The following YEATS4 variants were observed in gnomAD, a reference collection of about 807,000 sequenced individuals.
YEATS4 encodes YEATS domain containing 4.
YEATS4 carries 17 observed loss-of-function variants against 30.1 expected under a neutral mutation model. That is an observed-to-expected ratio of 0.56 (90% CI 0.39 to 0.85). The LOEUF (loss-of-function observed/expected upper bound fraction) is 0.85. Among genes scored for constraint, YEATS4 ranks in the 40% least tolerant of loss-of-function variants. The probability of loss-of-function intolerance (pLI) is 0.00; values close to 1 mark genes in which losing one functional copy is unlikely to be tolerated. For missense variants in YEATS4, 142 were observed against 268.3 expected (o/e 0.53, Z 3.29); for synonymous variants, 85 against 87.5 (o/e 0.97, Z 0.16).
the YEATS4 span, among the ~76,000 whole-genome samples, chr12:69,412,207 TCA>T: frequency 5.3e-5 from 8 of 152,178 alleles, no homozygotes; most frequent in African/African-American, 1.9e-4. Context: ...ACCAACTTGC[TCA>T]CAGTCTCTCT....
chr12:69,367,147 T>A (rs1875466670), intron 4 of YEATS4, among the ~76,000 whole-genome samples: 1 of 152,236 alleles, frequency 6.6e-6, no homozygotes, highest in Non-Finnish European at 1.5e-5. Context: ...AACATCCTAT[T>A]CAAGGTTGGG....
chr12:69,380,145 T>G (rs1315492301), intron 6 of YEATS4, among the ~76,000 whole-genome samples: 2 of 152,246 alleles, frequency 1.3e-5, no homozygotes, highest in African/African-American at 4.8e-5. Context: ...ATGGTCTTGA[T>G]ACTTGTTGAT....
At chr12:69,407,083 G>A in the YEATS4 span, among the ~76,000 whole-genome samples, 1 of 151,952 alleles carries the variant, frequency 6.6e-6, no homozygotes, top group African/African-American at 2.4e-5. Context: ...CCAAACTGCT[G>A]GGATTACAGG....
chr12:69,402,475 C>G, the YEATS4 span, among the ~76,000 whole-genome samples: 2 of 152,010 alleles, frequency 1.3e-5, no homozygotes, highest in Non-Finnish European at 2.9e-5. Flanking sequence ...ACCTAAAGTC[C>G]CAGGACTGCT....
chr12:69,399,218 A>T, the YEATS4 span, among the ~76,000 whole-genome samples: 3 of 152,148 alleles, frequency 2.0e-5, no homozygotes, highest in Non-Finnish European at 4.4e-5. Context: ...AGTCAGAAAA[A>T]AAAAACAAAC....
chr12:69,421,706 G>A, the YEATS4 span, among the ~76,000 whole-genome samples: 9 of 152,172 alleles, frequency 5.9e-5, no homozygotes, highest in Non-Finnish European at 1.0e-4. Context: ...AAATTCAAAT[G>A]CTTACAAGAA....
At chr12:69,363,781 A>G (rs1010233830) in intron 2 of YEATS4, among the ~76,000 whole-genome samples, 1 of 152,248 alleles carries the variant, frequency 6.6e-6, no homozygotes, top group African/African-American at 2.4e-5. Context: ...TATTCATAAT[A>G]GCCAAAAAGT....
the YEATS4 span, among the ~76,000 whole-genome samples, chr12:69,424,143 T>G: frequency 6.6e-6 from 1 of 152,210 alleles, no homozygotes; most frequent in African/African-American, 2.4e-5. Flanking sequence ...ACTTTTGGTT[T>G]CCAAAACTAC....
At chr12:69,406,900 G>A in the YEATS4 span, among the ~76,000 whole-genome samples, 43,717 of 151,510 alleles carry the variant, frequency 0.29, 7,122 homozygotes, top group Non-Finnish European at 0.37. Flanking sequence ...CTGCAGCCTC[G>A]ACTTCCCAGG....
chr12:69,424,690 C>T, the YEATS4 span, among the ~76,000 whole-genome samples: 2 of 152,080 alleles, frequency 1.3e-5, no homozygotes, highest in Admixed American at 1.3e-4. Context: ...GGAGCTCTTT[C>T]CCCTTCGCTC....
At chr12:69,403,253 C>T in the YEATS4 span, among the ~76,000 whole-genome samples, 1 of 152,048 alleles carries the variant, frequency 6.6e-6, no homozygotes. Context: ...ATGTTCTGAA[C>T]TGACAAGATT....
At chr12:69,422,864 T>C in the YEATS4 span, 3 of 152,344 alleles carry the variant, frequency 2.0e-5, no homozygotes, top group East Asian at 1.9e-4. Context: ...AGAAACTGCA[T>C]TGTGATATGA....
chr12:69,397,491 A>G, the YEATS4 span, among the ~76,000 whole-genome samples: 5 of 152,148 alleles, frequency 3.3e-5, no homozygotes, highest in African/African-American at 1.2e-4. Flanking sequence ...AAGATAGTGA[A>G]TAAGTCTCAT....
rs1337088543 is a variant in YEATS4, at chr12:69,390,770, T to C, written c.*454T>C. On this transcript the variant is annotated 3_prime_UTR_variant, in exon 7 of 7. Coordinates refer to ENST00000247843, the MANE Select transcript of YEATS4 (RefSeq NM_006530.4). ...TTGTATATGATGTGTCCAGTAAGTA[T>C]TCAATAAATGTAGTTTACAGATCCT... 3 of 152,356 alleles carry C rather than the reference T, an allele frequency of 2.0e-5. No individual in the cohort carries two copies. Among genetic ancestry groups the C allele is most frequent in the Non-Finnish European group, 4.4e-5 (3 of 68,146 alleles). The allele number at this position is 152,356 out of a possible 1,614,324, so 9.4% of individuals were successfully genotyped here. A position where few individuals can be genotyped will look rare whatever the true frequency, so the allele number is the denominator to read the frequency against.
At chr12:69,362,012 T>G (rs1402553032) in intron 1 of YEATS4, among the ~76,000 whole-genome samples, 2 of 114,040 alleles carry the variant, frequency 1.8e-5, no homozygotes, top group East Asian at 2.5e-4. Context: ...GGTGTTTGGT[T>G]GTTTTTTTTT....
At chr12:69,369,239 T>C (rs1219385176) in intron 4 of YEATS4, among the ~76,000 whole-genome samples, 1 of 152,224 alleles carries the variant, frequency 6.6e-6, no homozygotes, top group Non-Finnish European at 1.5e-5. Context: ...ATTTCTCAGC[T>C]TCAGATAGTA....
At chr12:69,409,640 A>G in the YEATS4 span, among the ~76,000 whole-genome samples, 42 of 152,026 alleles carry the variant, frequency 2.8e-4, no homozygotes, top group Middle Eastern at 3.4e-3. Context: ...ATATATATAT[A>G]TATTAACATG....
the YEATS4 span, among the ~76,000 whole-genome samples, chr12:69,420,412 A>C: frequency 2.0e-5 from 3 of 151,366 alleles, no homozygotes; most frequent in East Asian, 6.0e-4. Flanking sequence ...GGTTAGGGGG[A>C]GGGGGACAGA....
At chr12:69,413,510 G>GC in the YEATS4 span, among the ~76,000 whole-genome samples, 47,170 of 130,646 alleles carry the variant, frequency 0.36, 9,361 homozygotes, top group East Asian at 0.56. Context: ...GGTCTTCAAC[G>GC]CCCCCCCCAT....
Sources: gnomAD v4.1 joint callset for allele counts (sites outside exome capture counted in the v4.1 genomes callset) on GRCh38, gnomAD v4.1.1 for gene constraint, MANE v1.5 for transcripts, NCBI Gene and HGNC (gene_info 2026-07-23, HGNC 2026-07-21) for gene names.